SCHIP1: variants seen among roughly 807,000 people sequenced by gnomAD.
SCHIP1 encodes schwannomin interacting protein 1.
A neutral mutation model predicts 29.7 loss-of-function variants in SCHIP1; 8 were observed. That is an observed-to-expected ratio of 0.27 (90% CI 0.16 to 0.49). SCHIP1 has a LOEUF of 0.49. SCHIP1 is among the 20% of genes least tolerant of loss of function. The pLI is 0.99. For missense variants in SCHIP1, 193 were observed against 294.6 expected (o/e 0.66, Z 2.52); for synonymous variants, 76 against 94.9 (o/e 0.80, Z 1.16).
the SCHIP1 span, among the ~76,000 whole-genome samples, chr3:159,710,466 T>A: frequency 1.3e-5 from 2 of 152,208 alleles, no homozygotes; most frequent in Non-Finnish European, 2.9e-5. Context: ...CAAGTTCTGA[T>A]GATCTATTGC....
the SCHIP1 span, among the ~76,000 whole-genome samples, chr3:159,317,188 G>T: frequency 6.6e-6 from 1 of 152,214 alleles, no homozygotes; most frequent in Non-Finnish European, 1.5e-5. Context: ...TTGTGGAGTA[G>T]TAGACTGATT....
the SCHIP1 span, among the ~76,000 whole-genome samples, chr3:159,543,085 TTG>T: frequency 6.9e-6 from 1 of 145,304 alleles, no homozygotes; most frequent in African/African-American, 2.6e-5. Flanking sequence ...ATACACATGT[TTG>T]TGTATAAATA....
chr3:159,513,287 G>T, the SCHIP1 span, among the ~76,000 whole-genome samples: 10 of 152,276 alleles, frequency 6.6e-5, no homozygotes, highest in South Asian at 6.2e-4. Flanking sequence ...TTGTTGTCAA[G>T]CTGTGGTACA....
At chr3:159,713,265 A>AAAGAAAG in the SCHIP1 span, among the ~76,000 whole-genome samples, 16 of 151,436 alleles carry the variant, frequency 1.1e-4, no homozygotes, top group East Asian at 1.9e-4. Flanking sequence ...AGAAAGAAAG[A>AAAGAAAG]AAGAAAGAAA....
the SCHIP1 span, among the ~76,000 whole-genome samples, chr3:159,639,894 G>T: frequency 1.3e-5 from 2 of 152,072 alleles, no homozygotes; most frequent in Admixed American, 1.3e-4. Context: ...TCTTAACATG[G>T]TTGTAAAGAC....
At chr3:159,482,053 T>C in the SCHIP1 span, among the ~76,000 whole-genome samples, 11 of 152,120 alleles carry the variant, frequency 7.2e-5, no homozygotes, top group African/African-American at 2.4e-4. Flanking sequence ...GGATGGGGTA[T>C]ACAAGATTAG....
the SCHIP1 span, among the ~76,000 whole-genome samples, chr3:159,784,680 G>A: frequency 1.3e-5 from 2 of 152,170 alleles, no homozygotes; most frequent in African/African-American, 2.4e-5. Flanking sequence ...TTTTGGAGAC[G>A]GAGTCTTGTG....
the SCHIP1 span, among the ~76,000 whole-genome samples, chr3:159,457,890 C>T: frequency 6.6e-6 from 1 of 152,138 alleles, no homozygotes; most frequent in East Asian, 1.9e-4. Flanking sequence ...TTACCCTTCT[C>T]TACTCATGCA....
the SCHIP1 span, among the ~76,000 whole-genome samples, chr3:159,307,699 G>T: frequency 6.6e-6 from 1 of 152,044 alleles, no homozygotes; most frequent in African/African-American, 2.4e-5. Context: ...GATTTTTATA[G>T]TTTGAGGTCT....
At chr3:159,423,741 G>A in the SCHIP1 span, among the ~76,000 whole-genome samples, 1,595 of 152,224 alleles carry the variant, frequency 0.01, 30 homozygotes, top group African/African-American at 0.037. Context: ...ATCTGAGAAC[G>A]GGCAGACTGC....
At chr3:159,308,827 C>T in the SCHIP1 span, among the ~76,000 whole-genome samples, 8 of 152,186 alleles carry the variant, frequency 5.3e-5, no homozygotes, top group Middle Eastern at 3.4e-3. Flanking sequence ...GAATACTATA[C>T]AGCCATAAAA....
the SCHIP1 span, among the ~76,000 whole-genome samples, chr3:159,792,749 A>G: frequency 6.6e-6 from 1 of 152,146 alleles, no homozygotes; most frequent in Admixed American, 6.5e-5. Flanking sequence ...TGCTTTAACC[A>G]TTTTTCAGGC....
At chr3:159,564,726 A>T in the SCHIP1 span, among the ~76,000 whole-genome samples, 1 of 152,008 alleles carries the variant, frequency 6.6e-6, no homozygotes, top group Non-Finnish European at 1.5e-5. Context: ...TACAGCGTAT[A>T]CTCTTTTATA....
the SCHIP1 span, among the ~76,000 whole-genome samples, chr3:159,584,018 A>C: frequency 1.3e-5 from 2 of 152,192 alleles, no homozygotes; most frequent in Non-Finnish European, 2.9e-5. Context: ...AGTAGGTTGC[A>C]CATAATTCAG....
At chr3:159,675,786 G>T in the SCHIP1 span, among the ~76,000 whole-genome samples, 1 of 152,130 alleles carries the variant, frequency 6.6e-6, no homozygotes, top group Non-Finnish European at 1.5e-5. Context: ...CCCCATCTTT[G>T]TCCATGACAG....
the SCHIP1 span, among the ~76,000 whole-genome samples, chr3:159,501,006 C>A: frequency 6.6e-6 from 1 of 152,144 alleles, no homozygotes; most frequent in Non-Finnish European, 1.5e-5. Context: ...TGATGCTATA[C>A]TGTACACTTG....
the SCHIP1 span, among the ~76,000 whole-genome samples, chr3:159,370,887 T>G: frequency 1.3e-5 from 2 of 152,176 alleles, no homozygotes; most frequent in East Asian, 3.8e-4. Context: ...TCTCAGGCCT[T>G]CAGACTGAAT....
the SCHIP1 span, among the ~76,000 whole-genome samples, chr3:159,295,441 C>T: frequency 6.6e-6 from 1 of 151,766 alleles, no homozygotes. Flanking sequence ...AAAAGTCAAT[C>T]AATCAATCAA....
At chr3:159,309,018 G>A in the SCHIP1 span, 1 of 152,030 alleles carries the variant, frequency 6.6e-6, no homozygotes, top group African/African-American at 2.4e-5. Context: ...CTATGAGAGG[G>A]TGGCAGGGGG....
Sources: allele counts gnomAD v4.1 joint callset (sites outside exome capture counted in the v4.1 genomes callset), GRCh38; gene constraint gnomAD v4.1.1; transcripts MANE v1.5; gene names NCBI Gene and HGNC (gene_info 2026-07-23, HGNC 2026-07-21).